The following ANKMY1 variants were observed in gnomAD, a reference collection of about 807,000 sequenced individuals.
ANKMY1 encodes ankyrin repeat and MYND domain containing 1, also known as ankyrin repeat and MYND domain-containing protein 1.
Under a neutral mutation model 102.0 loss-of-function variants are expected in ANKMY1, and 98 were observed. The observed-to-expected ratio is 0.96, with a 90% CI of 0.82 to 1.14. The LOEUF is 1.14. Among genes scored for constraint, ANKMY1 ranks in the 50% most tolerant of loss-of-function variants. ANKMY1 has a pLI of 0.00. For missense variants in ANKMY1, 1,330 were observed against 1,347.6 expected, an observed-to-expected ratio of 0.99 and a Z score of 0.20; for synonymous variants, 582 against 559.9, an observed-to-expected ratio of 1.04 and a Z score of -0.56.
chr2:240,526,506 G>A, intron 5 of ANKMY1, 61 bp from the exon 6 acceptor site: 1 of 1,603,242 alleles, frequency 6.2e-7, no homozygotes, highest in Non-Finnish European at 8.5e-7. Flanking sequence ...ACGAGAAAGG[G>A]TCCAGCTGGA....
At position 240,520,205 on chromosome 2, in the gene ANKMY1, AC is replaced by A. The variant is rs977410612; in HGVS notation, c.2004+156del. On this transcript the variant is annotated intron_variant, in intron 9 of 17. Coordinates refer to ENST00000401804, the MANE Select transcript of ANKMY1 (RefSeq NM_001282771.3). This position sits in a 1 kb window ranked among gnomAD's most constrained non-coding sequence, Gnocchi z 4.8. ...CATGGGTGAAAGAGCGGGCTGTGGG[AC>A]CCCCCACTGCGGCGCGCCGTCATCA... The A allele has an allele frequency of 2.1e-5, 23 of 1,092,632 alleles. No individual in the cohort carries two copies. The African/African-American group carries it at 3.4e-4, about 16-fold the overall frequency. The allele number at this position is 1,092,632 out of a possible 1,614,324, so 67.7% of individuals were successfully genotyped here. A position where few individuals can be genotyped will look rare whatever the true frequency, so the allele number is the denominator to read the frequency against.
intron 13 of ANKMY1, 70 bp downstream of exon 13, chr2:240,507,490 C>A (rs1340066525): frequency 6.6e-7 from 1 of 1,522,520 alleles, no homozygotes; most frequent in South Asian, 1.3e-5. Context: ...GCCCTCACAC[C>A]CCTCACTCAG....
At chr2:240,469,600 G>C in the ANKMY1 span, among the ~76,000 whole-genome samples, 1 of 152,224 alleles carries the variant, frequency 6.6e-6, no homozygotes, top group Admixed American at 6.5e-5. Flanking sequence ...CGGCAGGCCA[G>C]CATGGGTGTC....
At chr2:240,478,108 C>G (rs1194259523), downstream of ANKMY1, among the ~76,000 whole-genome samples, 1 of 152,324 alleles carries the variant, frequency 6.6e-6, no homozygotes, top group South Asian at 2.1e-4. Context: ...GGCAGCCCCT[C>G]CCCTTCCTCC....
rs750090658 is a variant in ANKMY1 at position 240,524,357 on chromosome 2, G to C, written c.1360C>G (p.Pro454Ala). 1.3e-6 allele frequency: 2 copies of C among 1,594,510 alleles called. No homozygotes were observed. Among genetic ancestry groups the C allele is most frequent in the South Asian group, 1.1e-5 (1 of 89,236 alleles). Residue 454 changes from proline to alanine, a missense_variant, in exon 8 of 18, where the codon CCA becomes GCA. Transcript: ENST00000401804. The part of the protein sequence containing the change: ...PQEPPKFPVV[P>A]ILSSSFMDTN... ...TCCATAAATGATGATGAAAGGATTG[G>C]AACAACTGGGAATTTTGGAGGTTCC...
At chr2:240,528,930 C>T (rs2152421001) in intron 5 of ANKMY1, 107 bp downstream of exon 5, 1 of 1,025,398 alleles carries the variant, frequency 9.8e-7, no homozygotes, top group East Asian at 2.4e-5. Context: ...TTTAGGTCAC[C>T]CTGAGGGAGC....
At chr2:240,552,683 A>C (rs2091726479) in intron 4 of ANKMY1, 2 of 590,824 alleles carry the variant, frequency 3.4e-6, no homozygotes, top group Non-Finnish European at 5.8e-6. Flanking sequence ...CGTTTCTTAA[A>C]TCTAAAGGAC....
At chr2:240,528,471 C>T (rs895290332) in intron 5 of ANKMY1, among the ~76,000 whole-genome samples, 9 of 152,090 alleles carry the variant, frequency 5.9e-5, no homozygotes, top group Non-Finnish European at 1.3e-4. Flanking sequence ...GTGCTCCCAC[C>T]CTTAGCTCTC....
rs575450063 is a variant in ANKMY1 at position 240,542,078 on chromosome 2, T to C, written c.480+10836A>G. The stretch of plus-strand genomic sequence containing the variant: ...CAAAAATTAGCTGGGCGTAGTGGCG[T>C]TCGCCTGTAATCCCAGCTACTCAGG... On this transcript the variant is annotated intron_variant, in intron 4 of 17. Coordinates refer to ENST00000401804, the MANE Select transcript of ANKMY1 (RefSeq NM_001282771.3). 1.3e-4 allele frequency among the ~76,000 whole-genome samples: 20 copies of C among 151,918 alleles called. 1 individual carries two copies. The South Asian group carries it at 4.2e-3, about 32-fold the overall frequency.
chr2:240,548,212 C>T (rs958198327), intron 4 of ANKMY1, among the ~76,000 whole-genome samples: 9 of 152,118 alleles, frequency 5.9e-5, no homozygotes, highest in East Asian at 3.8e-4. Context: ...GTTCAATATA[C>T]GCAAATCAGT....
chr2:240,532,131 T>C (rs895778790), intron 4 of ANKMY1: 16 of 468,004 alleles, frequency 3.4e-5, no homozygotes, highest in Non-Finnish European at 6.6e-5. Context: ...AACATCACAT[T>C]GAAACTGTAG....
At chr2:240,519,548 G>A (rs1441676067) in intron 9 of ANKMY1, among the ~76,000 whole-genome samples, 8 of 152,172 alleles carry the variant, frequency 5.3e-5, no homozygotes, top group South Asian at 4.1e-4. Context: ...AGCAGTCATG[G>A]GCAGCGACCG....
chr2:240,525,954 C>T, intron 6 of ANKMY1, 105 bp from the exon 7 acceptor site: 1 of 1,385,670 alleles, frequency 7.2e-7, no homozygotes, highest in Non-Finnish European at 1.0e-6. Flanking sequence ...TATGGCAGGG[C>T]AGGAACCAGT....
chr2:240,512,770 C>A lies in ANKMY1; in HGVS notation c.2145+32G>T, dbSNP rs1467929815. ...CATCCAGGCACACCTGGCCAAGGCC[C>A]CATACCCCTATCCAGGTCGCGAGGT... On this transcript the variant is annotated intron_variant, in intron 10 of 17. Transcript: ENST00000401804. 3 of 1,594,462 alleles carry A rather than the reference C, an allele frequency of 1.9e-6. No homozygotes were observed. The East Asian group carries it at 6.8e-5, about 36-fold the overall frequency.
intron 15 of ANKMY1, among the ~76,000 whole-genome samples, chr2:240,495,996 C>G (rs2077210748): frequency 1.3e-5 from 2 of 152,204 alleles, no homozygotes; most frequent in South Asian, 2.1e-4. Context: ...GTACACTGCT[C>G]TGGTTCTACT....
At position 240,482,349 on chromosome 2, in the gene ANKMY1, G is replaced by A. The variant is rs530769521; in HGVS notation, c.2807-88C>T. 3.0e-5 allele frequency: 36 copies of A among 1,216,742 alleles called. No homozygotes were observed. The South Asian group carries it at 5.0e-4, about 17-fold the overall frequency. The allele number at this position is 1,216,742 out of a possible 1,614,324, so 75.4% of individuals were successfully genotyped here. A position where few individuals can be genotyped will look rare whatever the true frequency, so the allele number is the denominator to read the frequency against. On this transcript the variant is annotated intron_variant, in intron 15 of 17. Coordinates refer to ENST00000401804, the MANE Select transcript of ANKMY1 (RefSeq NM_001282771.3). Reference sequence around the variant, plus strand: ...GCCACCTCCTTGCGCCCTCCCTGTGGTGCCTGCCTGCACTACTCGGGAGGC... The same window carrying A: ...GCCACCTCCTTGCGCCCTCCCTGTGATGCCTGCCTGCACTACTCGGGAGGC...
chr2:240,507,623 G>A lies in ANKMY1; in HGVS notation c.2463C>T (p.Ala821=), dbSNP rs769346058. The A allele has an allele frequency of 6.2e-7, 1 of 1,611,964 alleles. No homozygotes were observed. ...NLPLTKGLGS[A]LCVACDLTYE... is the part of the protein sequence containing the mutation. ...AGGTCAGGTCACAGGCAACACACAG[G>A]GCACTGCCCAAGCCTTTGGTCAGGG... Residue 821 remains alanine, a synonymous_variant, in exon 13 of 18, where the codon GCC becomes GCT. Coordinates refer to ENST00000401804, the MANE Select transcript of ANKMY1 (RefSeq NM_001282771.3).
intron 15 of ANKMY1, among the ~76,000 whole-genome samples, chr2:240,488,405 A>T (rs1382739857): frequency 6.6e-6 from 1 of 152,266 alleles, no homozygotes; most frequent in East Asian, 1.9e-4. Flanking sequence ...AGGTAATGTG[A>T]TGTCTCTAGC....
intron 3 of ANKMY1, chr2:240,553,509 C>G (rs968606198): frequency 2.7e-5 from 5 of 183,188 alleles, no homozygotes; most frequent in African/African-American, 7.1e-5. Flanking sequence ...ATTTATAACT[C>G]TTCAGCACTG....
Sources: allele counts gnomAD v4.1 joint callset (sites outside exome capture counted in the v4.1 genomes callset), GRCh38; gene constraint gnomAD v4.1.1; non-coding constraint Gnocchi (gnomAD v3.1); transcripts MANE v1.5; gene names NCBI Gene and HGNC (gene_info 2026-07-23, HGNC 2026-07-21).